SMAD7: variants seen among roughly 807,000 people sequenced by gnomAD.
SMAD7 encodes SMAD family member 7.
A neutral mutation model predicts 38.7 loss-of-function variants in SMAD7; 8 were observed. The observed-to-expected ratio is 0.21, with a 90% CI of 0.12 to 0.37. The LOEUF is 0.37. Ranked by LOEUF, SMAD7 falls within the 10% of genes least tolerant of loss-of-function variation. The probability of loss-of-function intolerance (pLI) is 1.00; values close to 1 mark genes in which losing one functional copy is unlikely to be tolerated. For synonymous variants in SMAD7, 327 were observed against 265.1 expected, an observed-to-expected ratio of 1.23 and a Z score of -2.27; for missense variants, 477 against 577.9, an observed-to-expected ratio of 0.83 and a Z score of 1.79.
At chr18:48,945,985 C>A (rs1465383865) in intron 2 of SMAD7, among the ~76,000 whole-genome samples, 1 of 152,178 alleles carries the variant, frequency 6.6e-6, no homozygotes, top group African/African-American at 2.4e-5. Context: ...CCTGGTTGGA[C>A]CACACAGTAC....
chr18:48,941,894 C>T (rs2070144225), intron 3 of SMAD7, among the ~76,000 whole-genome samples: 1 of 152,184 alleles, frequency 6.6e-6, no homozygotes, highest in Non-Finnish European at 1.5e-5. Flanking sequence ...GGAAAACCTG[C>T]CCCGCTAGGG....
intron 2 of SMAD7, among the ~76,000 whole-genome samples, chr18:48,947,664 T>C (rs530589208): frequency 3.3e-5 from 5 of 152,366 alleles, no homozygotes; most frequent in African/African-American, 1.2e-4. Context: ...AGCACTGTGA[T>C]GTCCAGAGGA....
chr18:48,948,281 C>G (rs564707755), intron 2 of SMAD7, 103 bp downstream of exon 2: 2 of 711,344 alleles, frequency 2.8e-6, no homozygotes, highest in South Asian at 1.9e-5. Context: ...CAACGTGAAG[C>G]CCAGCACCTC....
intron 3 of SMAD7, chr18:48,933,684 C>T (rs2070029519): frequency 6.6e-6 from 1 of 152,434 alleles, no homozygotes; most frequent in African/African-American, 2.4e-5. Context: ...GAGGGAAGCC[C>T]TGTTCTGCGC....
At chr18:48,935,702 T>C (rs545704402) in intron 3 of SMAD7, among the ~76,000 whole-genome samples, 49 of 152,284 alleles carry the variant, frequency 3.2e-4, no homozygotes, top group African/African-American at 1.1e-3. Flanking sequence ...CAGAGGGAAC[T>C]TTCCTGTCTC....
At chr18:48,929,569 T>TCTCACACACACACACACACACACACA (rs3082710) in intron 3 of SMAD7, among the ~76,000 whole-genome samples, 30 of 114,614 alleles carry the variant, frequency 2.6e-4, no homozygotes, top group African/African-American at 9.0e-4. Flanking sequence ...TCTCTCTCTC[T>TCTCACACACACACACACACACACACA]CACTCACACA....
intron 2 of SMAD7, 185 bp from the exon 3 acceptor site, chr18:48,942,740 G>A: frequency 6.9e-7 from 1 of 1,456,090 alleles, no homozygotes; most frequent in African/African-American, 1.5e-5. Context: ...ACAGACCACA[G>A]CACCTTGTCA....
intron 3 of SMAD7, 129 bp from the exon 4 acceptor site, chr18:48,922,039 G>T (rs886395352): frequency 2.8e-6 from 2 of 725,164 alleles, no homozygotes; most frequent in Non-Finnish European, 2.2e-6. Flanking sequence ...AGAAGGAGGC[G>T]GTGAGGCTAG....
At chr18:48,932,521 C>A (rs1382865709) in intron 3 of SMAD7, among the ~76,000 whole-genome samples, 1 of 152,098 alleles carries the variant, frequency 6.6e-6, no homozygotes, top group African/African-American at 2.4e-5. Flanking sequence ...TCTGATCAAA[C>A]CCCCCAGCAA....
intron 2 of SMAD7, among the ~76,000 whole-genome samples, chr18:48,943,599 C>T (rs2070165750): frequency 6.6e-6 from 1 of 152,332 alleles, no homozygotes; most frequent in East Asian, 1.9e-4. Flanking sequence ...TAGCGGAGAG[C>T]CCGGCTAAGG....
At chr18:48,933,988 C>G (rs1041837889) in intron 3 of SMAD7, among the ~76,000 whole-genome samples, 1 of 152,214 alleles carries the variant, frequency 6.6e-6, no homozygotes, top group African/African-American at 2.4e-5. Flanking sequence ...TTTCTGGTCT[C>G]TGTCCTAAAG....
rs1568307586 is a variant in SMAD7, at chr18:48,950,465, A to G, written c.-41T>C. 2 of 1,527,876 alleles carry G rather than the reference A, an allele frequency of 1.3e-6. No homozygotes were observed. The highest frequency in any genetic ancestry group is 1.8e-6 in the Non-Finnish European group (2 of 1,138,306). The allele number at this position is 1,527,876 out of a possible 1,614,324, so 94.6% of individuals were successfully genotyped here. A position where few individuals can be genotyped will look rare whatever the true frequency, so the allele number is the denominator to read the frequency against. On this transcript the variant is annotated 5_prime_UTR_variant, in exon 1 of 4. Coordinates refer to ENST00000262158, the MANE Select transcript of SMAD7 (RefSeq NM_005904.4). ...GAGGAGAAAAGTCGTTTGCCTGCTA[A>G]GGAGCGAACATGACCTCCGCACACC...
intron 1 of SMAD7, among the ~76,000 whole-genome samples, chr18:48,948,950 C>T (rs1293117091): frequency 6.6e-6 from 1 of 152,194 alleles, no homozygotes; most frequent in South Asian, 2.1e-4. Flanking sequence ...TGCGGGCGCC[C>T]GGGGTGAACC....
At chr18:48,943,984 G>T (rs1428047147) in intron 2 of SMAD7, among the ~76,000 whole-genome samples, 2 of 152,136 alleles carry the variant, frequency 1.3e-5, no homozygotes, top group Non-Finnish European at 2.9e-5. Context: ...TGGCTGCGGT[G>T]GGTAGGGGGA....
chr18:48,925,839 C>G (rs543153079), intron 3 of SMAD7, among the ~76,000 whole-genome samples: 2 of 152,204 alleles, frequency 1.3e-5, no homozygotes, highest in East Asian at 1.9e-4. Flanking sequence ...CTCCGCCTCC[C>G]GGGTTCACGC....
rs1209761699 is a variant in SMAD7, at chr18:48,950,320, G to C, written c.105C>G (p.Gly35=). 6.5e-7 allele frequency: 1 copy of C among 1,536,378 alleles called. No individual in the cohort carries two copies. The highest frequency in any genetic ancestry group is 8.8e-7 in the Non-Finnish European group (1 of 1,141,632). The change falls in exon 1 of 4, where the codon GGC becomes GGG. Residue 35 remains glycine, a synonymous_variant. Transcript: ENST00000262158. ...CCGTCGCCCCTTCTCCCCGCAGCTC[G>C]CCTCCTCCTCCACCTCCCCCTGCGC... The part of the protein sequence containing the change: ...EEGAGGGGGG[G]ELRGEGATDS...
At chr18:48,948,219 C>A (rs990745342) in intron 2 of SMAD7, among the ~76,000 whole-genome samples, 165 bp downstream of exon 2, 8 of 152,164 alleles carry the variant, frequency 5.3e-5, no homozygotes, top group African/African-American at 7.2e-5. Context: ...CAGCAAAAAA[C>A]CCAGCCACAA....
At chr18:48,931,837 A>G (rs1477512995) in intron 3 of SMAD7, among the ~76,000 whole-genome samples, 1 of 152,268 alleles carries the variant, frequency 6.6e-6, no homozygotes, top group Non-Finnish European at 1.5e-5. Flanking sequence ...GTGACAGGAA[A>G]GTGGAGGATG....
chr18:48,941,847 G>A (rs988376930), intron 3 of SMAD7, among the ~76,000 whole-genome samples: 2 of 152,148 alleles, frequency 1.3e-5, no homozygotes, highest in African/African-American at 2.4e-5. Flanking sequence ...CCCCAGCACT[G>A]GCATTCCAGG....
Sources: gnomAD v4.1 joint callset for allele counts (sites outside exome capture counted in the v4.1 genomes callset) on GRCh38, gnomAD v4.1.1 for gene constraint, MANE v1.5 for transcripts, NCBI Gene and HGNC (gene_info 2026-07-23, HGNC 2026-07-21) for gene names.